The following FAN1 variants were observed in gnomAD, a reference collection of about 807,000 sequenced individuals.
The protein encoded by FAN1 is FANCD2 and FANCI associated nuclease 1.
A neutral mutation model predicts 104.9 loss-of-function variants in FAN1; 91 were observed. The ratio of observed to expected loss-of-function variants is 0.87; its 90% CI spans 0.73 to 1.03. The LOEUF is 1.03. Ranked by LOEUF, FAN1 falls within the 50% of genes least tolerant of loss-of-function variation. The pLI, the probability that FAN1 is intolerant of heterozygous loss-of-function variation, is 0.00. For synonymous variants in FAN1, 478 were observed against 457.6 expected (o/e 1.04, Z -0.57); for missense variants, 1,263 against 1,239.9 (o/e 1.02, Z -0.28).
At chr15:30,940,315 G>A in intron 14 of FAN1, 1 of 985,440 alleles carries the variant, frequency 1.0e-6, no homozygotes, top group Middle Eastern at 5.2e-4. Flanking sequence ...AAACAACTGT[G>A]TCTGCTCATT....
chr15:30,926,524 A>G, intron 10 of FAN1: 8 of 591,696 alleles, frequency 1.4e-5, no homozygotes, highest in Non-Finnish European at 1.7e-5. Context: ...ATAGAAAGAC[A>G]ACCACAAGAT....
At position 30,913,920 on chromosome 15, in the gene FAN1, G is replaced by A. The variant is rs780163468; in HGVS notation, c.1640G>A (p.Arg547His). ...AAAGGCCCCAGGGCTGTGTTTTCCC[G>A]CATCTTGCTACTGTTTTCGTTGACC... ...ICKGPRAVFSRILLLFSLTDS... is the reference protein window; with the variant it reads ...ICKGPRAVFSHILLLFSLTDS... The change falls in exon 5 of 15, where the codon CGC becomes CAC. Residue 547 changes from arginine to histidine, a missense_variant. Physicochemically the swap from Arg to His is conservative, Grantham distance 29. Around this residue, in one of 2 missense-constraint regions of FAN1, gnomAD observed 581 missense variants for 668.8 expected, o/e 0.87. Coordinates refer to ENST00000362065, the MANE Select transcript of FAN1 (RefSeq NM_014967.5). 31 of 1,614,024 alleles carry A rather than the reference G, an allele frequency of 1.9e-5. No individual in the cohort carries two copies. Among genetic ancestry groups the A allele is most frequent in the African/African-American group, 2.7e-5 (2 of 74,914 alleles).
rs779950676 is a variant in FAN1, at chr15:30,904,879, G to A, written c.216G>A (p.Val72=). 1.2e-6 allele frequency: 2 copies of A among 1,613,736 alleles called. No homozygotes were observed. Among genetic ancestry groups the A allele is most frequent in the East Asian group, 4.5e-5 (2 of 44,884 alleles). ...EMCANNDFVQ[V]DPGQVGLINS... Reference sequence around the variant, plus strand: ...GTGCTAACAATGACTTCGTTCAAGTGGATCCAGGGCAGGTTGGCTTAATAA... The same window carrying A: ...GTGCTAACAATGACTTCGTTCAAGTAGATCCAGGGCAGGTTGGCTTAATAA... The change falls in exon 2 of 15, where the codon GTG becomes GTA. Residue 72 remains valine, a synonymous_variant. Coordinates refer to ENST00000362065, the MANE Select transcript of FAN1 (RefSeq NM_014967.5).
At chr15:30,914,539 A>AT in intron 5 of FAN1, among the ~76,000 whole-genome samples, 1 of 151,830 alleles carries the variant, frequency 6.6e-6, no homozygotes, top group Admixed American at 6.6e-5. Context: ...TAATTTTTGT[A>AT]TTTTTTTGGT....
intron 13 of FAN1, among the ~76,000 whole-genome samples, chr15:30,935,640 G>T (rs1217580999): frequency 6.6e-6 from 1 of 152,136 alleles, no homozygotes; most frequent in Non-Finnish European, 1.5e-5. Context: ...TGGTAACAGA[G>T]GGGGTCCTTG....
rs1458168007 is a variant in FAN1, at chr15:30,905,495, A to G, written c.832A>G (p.Thr278Ala). The part of the protein sequence containing the change: ...DFTLRNTLKS[T>A]SEDSLVKQEC... Reference sequence around the variant, plus strand: ...CACTCTTAGGAATACATTAAAGTCTACTTCAGAAGACAGTCTTGTAAAGCA... The same window carrying G: ...CACTCTTAGGAATACATTAAAGTCTGCTTCAGAAGACAGTCTTGTAAAGCA... Residue 278 changes from threonine to alanine, a missense_variant, in exon 2 of 15, where the codon ACT becomes GCT. Coordinates refer to ENST00000362065, the MANE Select transcript of FAN1 (RefSeq NM_014967.5). 6.2e-7 allele frequency: 1 copy of G among 1,614,056 alleles called. No homozygotes were observed. Among genetic ancestry groups the G allele is most frequent in the Admixed American group, 1.7e-5 (1 of 60,030 alleles).
rs2061931290 is a variant in FAN1 at position 30,904,694 on chromosome 15, A to AT, written c.31_32insT (p.Lys11IlefsTer5). The AT allele has an allele frequency of 6.2e-7, 1 of 1,605,258 alleles. No homozygotes were observed. The highest frequency in any genetic ancestry group is 1.7e-5 in the Admixed American group (1 of 58,170). ...GTCAGAAGGGAAACCTCCTGACAAA[A>AT]AAAGGCCTCGTAGAAGCTTATCAAT... On this transcript the variant is annotated frameshift_variant, in exon 2 of 15. Transcript: ENST00000362065. LOFTEE classifies it high-confidence loss of function.
chr15:30,939,158 C>A, intron 14 of FAN1: 3 of 985,316 alleles, frequency 3.0e-6, no homozygotes, highest in Non-Finnish European at 3.6e-6. Flanking sequence ...AGCTTTCACC[C>A]TCTGTTAGTA....
At chr15:30,937,028 TTAAA>T in intron 13 of FAN1, 87 bp from the exon 14 acceptor site, 2 of 1,008,396 alleles carry the variant, frequency 2.0e-6, no homozygotes, top group Admixed American at 2.1e-5. Context: ...GAAGAGCCAT[TTAAA>T]TAGTTGTCAG....
Position 30,929,244 on chromosome 15 carries a change from C to G in FAN1, c.2634C>G (p.Ser878Arg). 6.2e-7 allele frequency: 1 copy of G among 1,613,452 alleles called. No individual in the cohort carries two copies. The highest frequency in any genetic ancestry group is 1.3e-5 in the African/African-American group (1 of 74,958). Residue 878 changes from serine (S) to arginine (R), a missense_variant, in exon 12 of 15, where the codon AGC becomes AGG. Transcript: ENST00000362065. ...TGTGCACAGACAGCTTCTTCACAAG[C>G]AGACGCCCAGCCCTTGAGGCCAGGC... is the stretch of plus-strand genomic sequence containing the variant. The part of the protein sequence containing the change: ...LDLCTDSFFT[S>R]RRPALEARLQ...
chr15:30,920,678 C>T (rs542981453), intron 7 of FAN1, 25 bp downstream of exon 7: 2 of 1,351,556 alleles, frequency 1.5e-6, no homozygotes, highest in Non-Finnish European at 2.1e-6. Flanking sequence ...CCCTGCCCCC[C>T]ACCATTACTG....
intron 6 of FAN1, 46 bp downstream of exon 6, chr15:30,918,341 G>C: frequency 6.3e-7 from 1 of 1,595,560 alleles, no homozygotes; most frequent in Non-Finnish European, 8.6e-7. Flanking sequence ...CATTGACCAA[G>C]TTGTTCCCAA....
At chr15:30,928,141 C>T (rs1330927481) in intron 10 of FAN1, 3 of 1,011,870 alleles carry the variant, frequency 3.0e-6, no homozygotes, top group South Asian at 4.0e-5. Flanking sequence ...TCAGGGGTGG[C>T]CCAGGGACCT....
chr15:30,911,251 T>C (rs559670858), intron 4 of FAN1: 1 of 989,522 alleles, frequency 1.0e-6, no homozygotes, highest in Non-Finnish European at 1.2e-6. Flanking sequence ...TGGCTTCTTT[T>C]GTCCTTGAGA....
At chr15:30,911,157 G>C (rs942869653) in intron 4 of FAN1, 1 of 1,043,934 alleles carries the variant, frequency 9.6e-7, no homozygotes, top group Non-Finnish European at 1.2e-6. Context: ...TTTAGTTTTT[G>C]TTTACTAAAC....
chr15:30,940,430 C>T (rs542976793), intron 14 of FAN1: 15 of 985,298 alleles, frequency 1.5e-5, no homozygotes, highest in Non-Finnish European at 1.8e-5. Flanking sequence ...TCCTCTATTC[C>T]TAAGCATTAG....
At chr15:30,930,816 C>T in intron 13 of FAN1, 145 bp downstream of exon 13, 3 of 970,684 alleles carry the variant, frequency 3.1e-6, no homozygotes, top group Non-Finnish European at 4.7e-6. Context: ...TCCTGTGGGC[C>T]TGTCCCCTGC....
chr15:30,930,656 G>T lies in FAN1; in HGVS notation c.2901G>T (p.Gln967His). The T allele has an allele frequency of 6.2e-7, 1 of 1,612,864 alleles. No homozygotes were observed. Among genetic ancestry groups the T allele is most frequent in the Non-Finnish European group, 8.5e-7 (1 of 1,179,554 alleles). The change falls in exon 13 of 15, where the codon CAG becomes CAT. Residue 967 changes from glutamine (Q) to histidine (H), a missense_variant. Physicochemically the swap from Gln to His is conservative, Grantham distance 24. Transcript: ENST00000362065. ...CCGACCTGGTGGTGTGGAACTCCCA[G>T]AGCCGTCACTTTAAGGTCAGTTGAG... is the stretch of plus-strand genomic sequence containing the variant. ...GLPDLVVWNS[Q>H]SRHFKLVEVK...
rs145950723 is a variant in FAN1 at position 30,905,550 on chromosome 15, G to C, written c.887G>C (p.Arg296Pro). ...QECIKEVVEK[R>P]EACHCEEVKM... ...TGTATCAAAGAAGTGGTTGAAAAACGTGAGGCATGTCATTGTGAAGAAGTA... is the reference window on the plus strand; with the variant it reads ...TGTATCAAAGAAGTGGTTGAAAAACCTGAGGCATGTCATTGTGAAGAAGTA... Residue 296 changes from arginine (R) to proline (P), a missense_variant, in exon 2 of 15, where the codon CGT becomes CCT. Arg to Pro is a moderately radical substitution (Grantham distance 103, BLOSUM62 -2). Coordinates refer to ENST00000362065, the MANE Select transcript of FAN1 (RefSeq NM_014967.5). 1 of 1,613,878 alleles carries C rather than the reference G, an allele frequency of 6.2e-7. No individual in the cohort carries two copies. Among genetic ancestry groups the C allele is most frequent in the Non-Finnish European group, 8.5e-7 (1 of 1,179,786 alleles).
Sources: gnomAD v4.1 joint callset for allele counts (sites outside exome capture counted in the v4.1 genomes callset) on GRCh38, gnomAD v4.1.1 for gene constraint, gnomAD v4.1.1 regional missense constraint, MANE v1.5 for transcripts, NCBI Gene and HGNC (gene_info 2026-07-23, HGNC 2026-07-21) for gene names.